Variants in MAN1A2 observed in about 807,000 individuals in gnomAD.
MAN1A2 encodes mannosidase alpha class 1A member 2, also known as mannosyl-oligosaccharide 1,2-alpha-mannosidase IB.
MAN1A2 carries 26 observed loss-of-function variants against 75.7 expected under a neutral mutation model. The ratio of observed to expected loss-of-function variants is 0.34; its 90% CI spans 0.25 to 0.48. MAN1A2 has a LOEUF of 0.48. Among genes scored for constraint, MAN1A2 ranks in the 20% least tolerant of loss-of-function variants. The probability of loss-of-function intolerance (pLI) is 0.99; values close to 1 mark genes in which losing one functional copy is unlikely to be tolerated. For synonymous variants in MAN1A2, 247 were observed against 264.6 expected, an observed-to-expected ratio of 0.93 and a Z score of 0.65; for missense variants, 562 against 775.5, an observed-to-expected ratio of 0.72 and a Z score of 3.27.
rs1649592002 is a variant in MAN1A2 at position 117,456,686 on chromosome 1, A to G, written c.951-3803A>G. ...AAATTTTTGCATATTAAAATGTTTA[A>G]ATATTTCAGACCAGATATTTTTACA... On this transcript the variant is annotated intron_variant, in intron 6 of 12. Transcript: ENST00000356554. 2.0e-5 allele frequency among the ~76,000 whole-genome samples: 3 copies of G among 152,014 alleles called. No individual in the cohort carries two copies. In the South Asian group the frequency reaches 6.2e-4, roughly 32 times the overall value.
At chr1:117,412,853 T>C (rs1647868510) in intron 3 of MAN1A2, among the ~76,000 whole-genome samples, 1 of 151,826 alleles carries the variant, frequency 6.6e-6, no homozygotes, top group Admixed American at 6.6e-5. Context: ...CCAAGACTGG[T>C]ACAGAATAGG....
intron 5 of MAN1A2, among the ~76,000 whole-genome samples, chr1:117,441,591 T>C (rs1229674375): frequency 6.6e-6 from 1 of 152,168 alleles, no homozygotes; most frequent in Non-Finnish European, 1.5e-5. Flanking sequence ...TTTTTCTATA[T>C]ACATCTTGAT....
rs146765431 is a variant in MAN1A2, at chr1:117,503,626, C to T, written c.1793+656C>T. ...GACCAAATAAATATCTCTTCATACT[C>T]GCTCTTAAATTTATTATTTGTATTT... is the stretch of plus-strand genomic sequence containing the variant. On this transcript the variant is annotated intron_variant, in intron 12 of 12. Coordinates refer to ENST00000356554, the MANE Select transcript of MAN1A2 (RefSeq NM_006699.5). Among the ~76,000 whole-genome samples the T allele has an allele frequency of 3.3e-5, 5 of 151,618 alleles. No individual in the cohort carries two copies. In the South Asian group the frequency reaches 8.3e-4, roughly 25 times the overall value.
intron 8 of MAN1A2, among the ~76,000 whole-genome samples, chr1:117,487,513 TA>T (rs1455188954): frequency 6.6e-6 from 1 of 151,996 alleles, no homozygotes; most frequent in Non-Finnish European, 1.5e-5. Flanking sequence ...AGTTAAAACA[TA>T]AGGACAACTA....
In MAN1A2 at chr1:117,485,419, G is replaced by C. The variant is rs547472785; in HGVS notation, c.1169-7728G>C. ...GAAAGTAGATAAATATTTATAAATAGGCATAAACTCATAATAATAAAAAGA... is the reference window on the plus strand; with the variant it reads ...GAAAGTAGATAAATATTTATAAATACGCATAAACTCATAATAATAAAAAGA... On this transcript the variant is annotated intron_variant, in intron 8 of 12. Transcript: ENST00000356554. 2.0e-5 allele frequency among the ~76,000 whole-genome samples: 3 copies of C among 151,914 alleles called. No individual in the cohort carries two copies. In the East Asian group the frequency reaches 5.8e-4, roughly 30 times the overall value.
intron 3 of MAN1A2, among the ~76,000 whole-genome samples, chr1:117,408,964 C>T (rs925677290): frequency 2.6e-5 from 4 of 151,904 alleles, no homozygotes; most frequent in African/African-American, 9.7e-5. Flanking sequence ...ATTTGAATGT[C>T]TGTGGCAGCT....
At chr1:117,393,580 T>C (rs976151812) in intron 1 of MAN1A2, among the ~76,000 whole-genome samples, 1 of 152,278 alleles carries the variant, frequency 6.6e-6, no homozygotes, top group Non-Finnish European at 1.5e-5. Context: ...TATCTAACTT[T>C]GTCATAAAAA....
intron 1 of MAN1A2, among the ~76,000 whole-genome samples, chr1:117,386,111 A>G (rs930388725): frequency 6.6e-6 from 1 of 152,190 alleles, no homozygotes; most frequent in Non-Finnish European, 1.5e-5. Context: ...AAGAGGAGGG[A>G]TTCTGTTACC....
intron 12 of MAN1A2, among the ~76,000 whole-genome samples, chr1:117,511,477 G>C (rs1557979529): frequency 6.6e-6 from 1 of 151,880 alleles, no homozygotes; most frequent in Non-Finnish European, 1.5e-5. Flanking sequence ...GCTCAGCCTA[G>C]ATGGATTTTT....
intron 6 of MAN1A2, among the ~76,000 whole-genome samples, chr1:117,448,025 C>T (rs560815197): frequency 7.9e-5 from 12 of 152,186 alleles, no homozygotes; most frequent in South Asian, 6.2e-4. Context: ...TGGTCATTTT[C>T]GTGATATTGA....
At chr1:117,460,772 T>G (rs1349452896) in intron 7 of MAN1A2, among the ~76,000 whole-genome samples, 160 bp downstream of exon 7, 1 of 152,226 alleles carries the variant, frequency 6.6e-6, no homozygotes, top group African/African-American at 2.4e-5. Flanking sequence ...GAAATGTCCT[T>G]TCTATTTAGA....
intron 1 of MAN1A2, among the ~76,000 whole-genome samples, chr1:117,388,570 C>T (rs1007488849): frequency 2.0e-5 from 3 of 151,944 alleles, no homozygotes; most frequent in Non-Finnish European, 1.5e-5. Context: ...GGAGCAAGAG[C>T]GAGAGAGTGA....
intron 1 of MAN1A2, among the ~76,000 whole-genome samples, chr1:117,400,398 C>A (rs1203259030): frequency 6.7e-6 from 1 of 149,986 alleles, no homozygotes; most frequent in Non-Finnish European, 1.5e-5. Flanking sequence ...TTTCTTTTGG[C>A]ATACAGGTTT....
chr1:117,502,032 A>C (rs929036893), intron 11 of MAN1A2, among the ~76,000 whole-genome samples: 36 of 151,660 alleles, frequency 2.4e-4, no homozygotes, highest in Admixed American at 2.6e-4. Context: ...ATTCCATTTG[A>C]TTCAGTATAT....
chr1:117,377,995 G>C (rs953434890), intron 1 of MAN1A2, among the ~76,000 whole-genome samples: 1 of 152,100 alleles, frequency 6.6e-6, no homozygotes, highest in Non-Finnish European at 1.5e-5. Flanking sequence ...CCAGCTACTC[G>C]GGAGGCTGAG....
chr1:117,465,761 A>T (rs564450155), intron 7 of MAN1A2, among the ~76,000 whole-genome samples: 1 of 152,238 alleles, frequency 6.6e-6, no homozygotes, highest in African/African-American at 2.4e-5. Flanking sequence ...GCTTCTTAAT[A>T]TATTTCATGA....
chr1:117,500,010 C>T (rs1290344106), intron 11 of MAN1A2, among the ~76,000 whole-genome samples: 1 of 151,682 alleles, frequency 6.6e-6, no homozygotes, highest in East Asian at 1.9e-4. Flanking sequence ...AATTGTTTAA[C>T]TTAAGCTTAC....
intron 12 of MAN1A2, among the ~76,000 whole-genome samples, chr1:117,516,705 C>T (rs1651722022): frequency 6.6e-6 from 1 of 152,066 alleles, no homozygotes; most frequent in South Asian, 2.1e-4. Flanking sequence ...TGTAATTGCC[C>T]CAGCTGTCTT....
rs114356490 is a variant in MAN1A2 at position 117,515,106 on chromosome 1, A to T, written c.1794-7719A>T. 4.6e-3 allele frequency: 1,228 copies of T among 265,240 alleles called. 20 individuals are homozygous for T. Among genetic ancestry groups the T allele is most frequent in the African/African-American group, 0.026 (1,154 of 44,848 alleles). 16.4% of individuals were successfully genotyped at this position (265,240 alleles called of 1,614,324 possible). On this transcript the variant is annotated intron_variant, in intron 12 of 12. Transcript: ENST00000356554. ...CATGGACAAATTTAATAAAAGTACA[A>T]AGTATATATGCAGTTGGCCCTCCAT...
Sources: allele counts gnomAD v4.1 joint callset (sites outside exome capture counted in the v4.1 genomes callset), GRCh38; gene constraint gnomAD v4.1.1; transcripts MANE v1.5; gene names NCBI Gene and HGNC (gene_info 2026-07-23, HGNC 2026-07-21).